RIMS2: variants seen among roughly 807,000 people sequenced by gnomAD.
The protein encoded by RIMS2 is regulating synaptic membrane exocytosis 2.
RIMS2 carries 59 observed loss-of-function variants against 174.4 expected under a neutral mutation model. The observed-to-expected ratio is 0.34, with a 90% CI of 0.27 to 0.42. The LOEUF is 0.42. Ranked by LOEUF, RIMS2 falls within the 10% of genes least tolerant of loss-of-function variation. The pLI, the probability that RIMS2 is intolerant of heterozygous loss-of-function variation, is 1.00. For missense variants in RIMS2, 1,620 were observed against 1,666.3 expected (o/e 0.97, Z 0.48); for synonymous variants, 606 against 572.5 (o/e 1.06, Z -0.84).
intron 16 of RIMS2, among the ~76,000 whole-genome samples, chr8:103,982,124 A>G (rs1476279327): frequency 6.6e-6 from 1 of 152,176 alleles, no homozygotes; most frequent in Non-Finnish European, 1.5e-5. Flanking sequence ...TGCTGTGAGC[A>G]ACTATATGCC....
At chr8:104,193,064 T>C (rs1250829083) in intron 19 of RIMS2, among the ~76,000 whole-genome samples, 1 of 151,276 alleles carries the variant, frequency 6.6e-6, no homozygotes, top group East Asian at 1.9e-4. Flanking sequence ...TCTCTCTCTC[T>C]CCCTCCCTCC....
At chr8:103,768,797 C>G in intron 3 of RIMS2, 1 of 705,664 alleles carries the variant, frequency 1.4e-6, no homozygotes, top group Non-Finnish European at 2.6e-6. Flanking sequence ...AGGACCAAAG[C>G]ACCCAAAATT....
intron 3 of RIMS2, among the ~76,000 whole-genome samples, chr8:103,876,354 C>A (rs2099136658): frequency 6.6e-6 from 1 of 151,704 alleles, no homozygotes; most frequent in African/African-American, 2.4e-5. Flanking sequence ...ATTCATTGAA[C>A]AAGGTATCCC....
rs1289043900 is a variant in RIMS2 at position 103,608,245 on chromosome 8, G to A, written c.177-88841G>A. Among the ~76,000 whole-genome samples, 10 of 143,070 alleles carry A rather than the reference G, an allele frequency of 7.0e-5. 1 individual carries two copies. Among genetic ancestry groups the A allele is most frequent in the Non-Finnish European group, 1.5e-5 (1 of 65,316 alleles). 93.9% of individuals were successfully genotyped at this position (143,070 alleles called of 152,430 possible). ...CAGGACCCTCAGCTGCAGGTCTGTT[G>A]GAGTACTGGGCCCTGTGAGGTGTCA... is the stretch of plus-strand genomic sequence containing the variant. On this transcript the variant is annotated intron_variant, in intron 1 of 23. Coordinates refer to ENST00000504942, the Ensembl canonical transcript of RIMS2.
intron 1 of RIMS2, among the ~76,000 whole-genome samples, chr8:103,595,520 A>G (rs1299019689): frequency 6.6e-6 from 1 of 151,878 alleles, no homozygotes; most frequent in African/African-American, 2.4e-5. Flanking sequence ...GATTTAGAAA[A>G]GGATAGACTT....
intron 19 of RIMS2, among the ~76,000 whole-genome samples, chr8:104,231,461 A>G (rs968866464): frequency 1.3e-5 from 2 of 151,808 alleles, no homozygotes; most frequent in Non-Finnish European, 2.9e-5. Context: ...CTTTCTTTCT[A>G]TTCTTCCTTT....
At chr8:104,115,127 TTAA>T (rs1265886886) in intron 19 of RIMS2, among the ~76,000 whole-genome samples, 1 of 152,138 alleles carries the variant, frequency 6.6e-6, no homozygotes. Flanking sequence ...AAATGAAATG[TTAA>T]TAATGTTGAT....
chr8:104,132,482 G>A (rs73699074), intron 19 of RIMS2, among the ~76,000 whole-genome samples: 3,521 of 152,200 alleles, frequency 0.023, 148 homozygotes, highest in African/African-American at 0.08. Context: ...TTAAAAGCAT[G>A]GAACTACCTT....
intron 4 of RIMS2, among the ~76,000 whole-genome samples, chr8:103,894,465 A>T (rs1004788539): frequency 2.0e-5 from 3 of 151,684 alleles, no homozygotes; most frequent in Non-Finnish European, 2.9e-5. Context: ...CCAAGCTTTT[A>T]GTAGAAGAAT....
intron 19 of RIMS2, among the ~76,000 whole-genome samples, chr8:104,067,480 C>T (rs138165503): frequency 7.2e-5 from 11 of 152,238 alleles, no homozygotes; most frequent in Non-Finnish European, 1.3e-4. Flanking sequence ...ACTGCAGCCT[C>T]CCAACTCCTG....
intron 19 of RIMS2, among the ~76,000 whole-genome samples, chr8:104,121,719 T>C (rs2098377710): frequency 6.6e-6 from 1 of 151,992 alleles, no homozygotes; most frequent in South Asian, 2.1e-4. Flanking sequence ...CCCAGCACTT[T>C]GGGAGGCCGA....
At chr8:104,145,671 C>CAATAAATTA (rs147902805) in intron 19 of RIMS2, among the ~76,000 whole-genome samples, 15 of 132,696 alleles carry the variant, frequency 1.1e-4, no homozygotes, top group African/African-American at 4.1e-4. Context: ...ACTAAAAATA[C>CAATAAATTA]AATAAATAAA....
At position 103,993,356 on chromosome 8, in the gene RIMS2, C is replaced by T. The variant is rs183398210; in HGVS notation, c.3044+3935C>T. On this transcript the variant is annotated intron_variant, in intron 17 of 23. Coordinates refer to ENST00000504942, the Ensembl canonical transcript of RIMS2. ...AAATTACTTTATAAGCTTTTTTTCT[C>T]CTATACATTCAGTTAATAGATATAT... is the stretch of plus-strand genomic sequence containing the variant. 2.1e-3 allele frequency among the ~76,000 whole-genome samples: 314 copies of T among 151,950 alleles called. 2 individuals are homozygous for T. The highest frequency in any genetic ancestry group is 3.8e-3 in the Non-Finnish European group (257 of 67,962).
intron 19 of RIMS2, among the ~76,000 whole-genome samples, chr8:104,233,139 A>G (rs1046185839): frequency 6.6e-6 from 1 of 152,166 alleles, no homozygotes; most frequent in African/African-American, 2.4e-5. Flanking sequence ...CTCAATTTTA[A>G]CTTTTTCTGC....
chr8:104,165,335 A>G (rs1290844012), intron 19 of RIMS2, among the ~76,000 whole-genome samples: 1 of 152,188 alleles, frequency 6.6e-6, no homozygotes, highest in Non-Finnish European at 1.5e-5. Context: ...TCACAGGTTT[A>G]CATACTGGAT....
intron 1 of RIMS2, among the ~76,000 whole-genome samples, chr8:103,607,147 T>C (rs2095138194): frequency 1.3e-5 from 2 of 152,204 alleles, no homozygotes; most frequent in South Asian, 4.1e-4. Flanking sequence ...TGCCGGTTGT[T>C]CCTTTCCATG....
At chr8:103,840,697 A>G (rs748009333) in intron 3 of RIMS2, among the ~76,000 whole-genome samples, 20 of 152,010 alleles carry the variant, frequency 1.3e-4, no homozygotes, top group African/African-American at 2.2e-4. Context: ...TATATATCCT[A>G]TATACCTATA....
chr8:103,977,321 T>C (rs2093533547), intron 16 of RIMS2: 1 of 152,364 alleles, frequency 6.6e-6, no homozygotes, highest in Non-Finnish European at 1.5e-5. Context: ...TAAACATTTT[T>C]TAAAAGTACT....
intron 19 of RIMS2, among the ~76,000 whole-genome samples, chr8:104,158,187 G>T (rs1371384287): frequency 1.3e-5 from 2 of 152,204 alleles, no homozygotes; most frequent in Non-Finnish European, 2.9e-5. Flanking sequence ...TGAGAATGAT[G>T]GTTTCCAGCT....
Sources: allele counts gnomAD v4.1 joint callset (sites outside exome capture counted in the v4.1 genomes callset), GRCh38; gene constraint gnomAD v4.1.1; transcripts MANE v1.5; gene names NCBI Gene and HGNC (gene_info 2026-07-23, HGNC 2026-07-21).